The following MED12L variants were observed in gnomAD, a reference collection of about 807,000 sequenced individuals.
MED12L encodes mediator of RNA polymerase II transcription subunit 12-like protein.
In MED12L, 60 loss-of-function variants were observed where a neutral mutation model predicts 281.3. The ratio of observed to expected loss-of-function variants is 0.21; its 90% confidence interval spans 0.17 to 0.26. The LOEUF (loss-of-function observed/expected upper bound fraction) is 0.26. Ranked by LOEUF, MED12L falls within the 10% of genes least tolerant of loss-of-function variation. The probability of loss-of-function intolerance (pLI) is 1.00; values close to 1 mark genes in which losing one functional copy is unlikely to be tolerated. For missense variants in MED12L, 2,146 were observed against 2,680.9 expected, an observed-to-expected ratio of 0.80 and a Z score of 4.41; for synonymous variants, 974 against 987.2, an observed-to-expected ratio of 0.99 and a Z score of 0.25.
chr3:151,372,423 T>A, intron 26 of MED12L, 144 bp from the exon 27 acceptor site: 1 of 628,918 alleles, frequency 1.6e-6, no homozygotes, highest in Non-Finnish European at 2.8e-6. Context: ...CTTGATCCAT[T>A]CTCTCTATTC....
chr3:151,175,606 T>C (rs569227743), intron 11 of MED12L, among the ~76,000 whole-genome samples: 21 of 152,340 alleles, frequency 1.4e-4, no homozygotes, highest in African/African-American at 4.8e-4. Flanking sequence ...CTCTCAGATG[T>C]AGTTGTCAGT....
At chr3:151,413,343 C>T in intron 42 of MED12L, 48 bp downstream of exon 42, 1 of 1,558,032 alleles carries the variant, frequency 6.4e-7, no homozygotes, top group South Asian at 1.2e-5. Flanking sequence ...TCAGACAGTG[C>T]AAATATGCAA....
At chr3:151,233,499 C>T (rs1313310766) in intron 16 of MED12L, among the ~76,000 whole-genome samples, 3 of 152,294 alleles carry the variant, frequency 2.0e-5, no homozygotes, top group East Asian at 1.9e-4. Context: ...TTTGGGAGGC[C>T]GAGGCTGGCG....
intron 11 of MED12L, among the ~76,000 whole-genome samples, chr3:151,183,431 C>CT (rs997411959): frequency 2.6e-5 from 4 of 152,222 alleles, no homozygotes; most frequent in Non-Finnish European, 5.9e-5. Context: ...TGAGATTTGT[C>CT]TTTCTCCTGC....
At chr3:151,121,710 T>TTTTTTA (rs896649155) in intron 3 of MED12L, among the ~76,000 whole-genome samples, 20 of 152,198 alleles carry the variant, frequency 1.3e-4, no homozygotes, top group Admixed American at 9.8e-4. Context: ...ACTGAATTTA[T>TTTTTTA]TTTTTATTTT....
At chr3:151,116,615 A>G (rs1712853780) in intron 3 of MED12L, among the ~76,000 whole-genome samples, 173 bp downstream of exon 3, 1 of 152,044 alleles carries the variant, frequency 6.6e-6, no homozygotes, top group South Asian at 2.1e-4. Context: ...CATACATTGC[A>G]TTTCCTTGTC....
At chr3:151,110,026 A>C (rs1711624738) in intron 2 of MED12L, among the ~76,000 whole-genome samples, 1 of 152,202 alleles carries the variant, frequency 6.6e-6, no homozygotes, top group Non-Finnish European at 1.5e-5. Context: ...AGATATAGTG[A>C]ACAAGCTTAA....
rs779899353 is a variant in MED12L, at chr3:151,355,189, A to G, written c.2467A>G (p.Thr823Ala). 4 of 1,614,034 alleles carry G rather than the reference A, an allele frequency of 2.5e-6. No individual in the cohort carries two copies. The Admixed American group carries it at 6.7e-5, about 27-fold the overall frequency. The change falls in exon 18 of 45, where the codon ACT becomes GCT. Residue 823 changes from threonine to alanine, a missense_variant. By Grantham distance (58) the Thr-to-Ala change is moderately conservative. This residue lies in a region of MED12L where 404 missense variants were observed against 603.5 expected (regional missense o/e 0.67). Transcript: ENST00000687756. The stretch of plus-strand genomic sequence containing the variant: ...ATTTCCAACACTGGAGACTGTGTTC[A>G]CTAAACTCCAGCTCCTTTCATATTT... ...ETFPTLETVF[T>A]KLQLLSYFDQ... is the part of the protein sequence containing the mutation.
chr3:151,159,951 C>G lies in MED12L; in HGVS notation c.957C>G (p.His319Gln). The G allele has an allele frequency of 2.5e-6, 4 of 1,614,236 alleles. No homozygotes were observed. Among genetic ancestry groups the G allele is most frequent in the Non-Finnish European group, 3.4e-6 (4 of 1,180,044 alleles). ...SPNLLAAHSP[H>Q]MMIGPNNSSI... ...ACCTCCTTGCTGCCCACTCACCCCA[C>G]ATGATGATAGGACCAAACAACTCGA... Residue 319 changes from histidine (H) to glutamine (Q), a missense_variant, in exon 8 of 45, where the codon CAC (histidine) becomes CAG (glutamine). By Grantham distance (24) the His-to-Gln change is conservative. This residue lies in a region of MED12L where 722 missense variants were observed against 861.2 expected (regional missense o/e 0.84). Transcript: ENST00000687756.
intron 2 of MED12L, among the ~76,000 whole-genome samples, chr3:151,107,955 A>C (rs1722281824): frequency 6.6e-6 from 1 of 152,248 alleles, no homozygotes. Context: ...TTTGAATGCC[A>C]GTCCTGGGCG....
chr3:151,199,135 T>C (rs762433822), intron 16 of MED12L: 2 of 1,614,084 alleles, frequency 1.2e-6, no homozygotes, highest in Non-Finnish European at 1.7e-6. Context: ...GGCAGTGGAA[T>C]ATCTTCAGCT....
chr3:151,410,265 C>T (rs995089688), intron 40 of MED12L, among the ~76,000 whole-genome samples: 4 of 152,158 alleles, frequency 2.6e-5, no homozygotes, highest in African/African-American at 4.8e-5. Context: ...TTTCTGTATT[C>T]GTATACTCTC....
intron 43 of MED12L, 80 bp downstream of exon 43, chr3:151,416,502 T>C: frequency 6.8e-7 from 1 of 1,480,220 alleles, no homozygotes; most frequent in Non-Finnish European, 9.2e-7. Context: ...CATAAGATTG[T>C]TAAGAATCGA....
intron 36 of MED12L, among the ~76,000 whole-genome samples, chr3:151,385,746 A>G (rs1219102921): frequency 6.6e-6 from 1 of 151,616 alleles, no homozygotes; most frequent in Non-Finnish European, 1.5e-5. Context: ...ACCTTCCTGT[A>G]GTAAGCTATT....
chr3:151,372,860 C>A, intron 27 of MED12L, 94 bp downstream of exon 27: 2 of 881,786 alleles, frequency 2.3e-6, no homozygotes, highest in Non-Finnish European at 1.7e-6. Flanking sequence ...CATAGGTGGG[C>A]CTTTTTTTCT....
chr3:151,327,180 A>G (rs1749715088), intron 16 of MED12L: 1 of 152,110 alleles, frequency 6.6e-6, no homozygotes, highest in African/African-American at 2.4e-5. Context: ...ACACCCAAAC[A>G]GTAGAAGTAT....
At chr3:151,154,187 G>A (rs1358739576) in intron 5 of MED12L, among the ~76,000 whole-genome samples, 3 of 151,878 alleles carry the variant, frequency 2.0e-5, no homozygotes, top group South Asian at 2.1e-4. Flanking sequence ...GCATCCACTC[G>A]ACTGTCTTAT....
chr3:151,116,101 A>T (rs1712761222), intron 2 of MED12L, among the ~76,000 whole-genome samples: 1 of 150,800 alleles, frequency 6.6e-6, no homozygotes, highest in Non-Finnish European at 1.5e-5. Flanking sequence ...TAGTATAAGG[A>T]ATACCCATAT....
chr3:151,430,935 G>A (rs1040907760), intron 44 of MED12L, among the ~76,000 whole-genome samples: 1 of 151,316 alleles, frequency 6.6e-6, no homozygotes, highest in African/African-American at 2.4e-5. Context: ...CTGGTGTGGT[G>A]TTTTTGTTTT....
Sources: allele counts gnomAD v4.1 joint callset (sites outside exome capture counted in the v4.1 genomes callset), GRCh38; gene constraint gnomAD v4.1.1; regional missense constraint gnomAD v4.1.1; transcripts MANE v1.5; gene names NCBI Gene and HGNC (gene_info 2026-07-23, HGNC 2026-07-21).